Variants in EFHC2 observed in about 807,000 individuals in gnomAD.
The protein encoded by EFHC2 is EF-hand domain containing 2.
Under a neutral mutation model 52.7 loss-of-function variants are expected in EFHC2, and 18 were observed. The observed-to-expected ratio is 0.34, with a 90% CI of 0.24 to 0.51. The LOEUF (loss-of-function observed/expected upper bound fraction) is 0.51, where lower values mean the gene tolerates loss of function less well. EFHC2 is among the 20% of genes least tolerant of loss of function. EFHC2 has a pLI of 0.97. For missense variants in EFHC2, 513 were observed against 562.5 expected, an observed-to-expected ratio of 0.91 and a Z score of 0.89; for synonymous variants, 203 against 204.1, an observed-to-expected ratio of 0.99 and a Z score of 0.04.
intron 14 of EFHC2, among the ~76,000 whole-genome samples, chrX:44,149,709 C>T (rs945975252): frequency 8.1e-5 from 9 of 111,179 alleles, no homozygotes; most frequent in South Asian, 3.8e-4. Context: ...AGACGGGTTT[C>T]GCCATATAGG....
rs2147278149 is a variant in EFHC2, at chrX:44,176,326, A to G, written c.2008T>C (p.Leu670=). 1 of 1,200,481 alleles carries G rather than the reference A, an allele frequency of 8.3e-7. No homozygotes were observed. Among genetic ancestry groups the G allele is most frequent in the East Asian group, 3.0e-5 (1 of 33,580 alleles). Residue 670 remains leucine (L), a synonymous_variant, in exon 13 of 15, where the codon TTG becomes CTG. Transcript: ENST00000420999. ...AAGGATTCTAGAAGATCATCACTCA[A>G]AGGTAATCTGGAGGATTTGCACAGC... is the stretch of plus-strand genomic sequence containing the variant. ...KRLCKSSRLP[L]SDDLLESLLS... is the part of the protein sequence containing the mutation.
chrX:44,273,636 T>C (rs2037633520), intron 2 of EFHC2, among the ~76,000 whole-genome samples: 1 of 111,818 alleles, frequency 8.9e-6, no homozygotes, highest in African/African-American at 3.3e-5. Context: ...CCATGTTGTA[T>C]GAATAATATA....
chrX:44,196,369 GCT>G (rs1324944503), intron 11 of EFHC2, among the ~76,000 whole-genome samples: 1 of 111,752 alleles, frequency 8.9e-6, no homozygotes, highest in Non-Finnish European at 1.9e-5. Context: ...CCCACTCCTG[GCT>G]CCCCTGTTCT....
intron 13 of EFHC2, among the ~76,000 whole-genome samples, chrX:44,174,322 AG>A (rs963326109): frequency 3.6e-5 from 4 of 111,125 alleles, no homozygotes; most frequent in African/African-American, 1.3e-4. Context: ...GGAGTGGAGG[AG>A]GGGGGTAAAA....
At chrX:44,270,982 T>G (rs1303849080) in intron 3 of EFHC2, among the ~76,000 whole-genome samples, 1 of 111,724 alleles carries the variant, frequency 9.0e-6, no homozygotes, top group Non-Finnish European at 1.9e-5. Flanking sequence ...ACCCCAGGAT[T>G]CAGGCAGTAT....
chrX:44,254,008 C>T (rs554118677), intron 4 of EFHC2, among the ~76,000 whole-genome samples: 2 of 112,483 alleles, frequency 1.8e-5, no homozygotes, highest in Non-Finnish European at 3.8e-5. Context: ...GAAACTCCAG[C>T]AGACCTGCAG....
At position 44,255,359 on chromosome X, in the gene EFHC2, G is replaced by A. The variant is rs747063495; in HGVS notation, c.607-4914C>T. On this transcript the variant is annotated intron_variant, in intron 4 of 14. Coordinates refer to ENST00000420999, the MANE Select transcript of EFHC2 (RefSeq NM_025184.4). ...GGATAAAGGGTCAAGACACATCAGT[G>A]TGCTGTATTCAGGAGACCCATCTCA... Among the ~76,000 whole-genome samples the A allele has an allele frequency of 6.3e-5, 7 of 111,593 alleles. No homozygotes were observed. In the East Asian group the frequency reaches 2.0e-3, roughly 31 times the overall value.
At chrX:44,252,155 G>A (rs909577994) in intron 4 of EFHC2, among the ~76,000 whole-genome samples, 10 of 111,460 alleles carry the variant, frequency 9.0e-5, no homozygotes, top group African/African-American at 2.9e-4. Context: ...CCTCTGCCTC[G>A]GCTGTCCTCT....
At chrX:44,171,541 G>A (rs764469400) in intron 13 of EFHC2, among the ~76,000 whole-genome samples, 4 of 111,392 alleles carry the variant, frequency 3.6e-5, no homozygotes, top group South Asian at 3.8e-4. Context: ...GGTAAAAGTC[G>A]TCAAGGCCAG....
chrX:44,315,758 T>C (rs1266715372), intron 1 of EFHC2, among the ~76,000 whole-genome samples: 2 of 110,599 alleles, frequency 1.8e-5, no homozygotes, highest in Admixed American at 1.9e-4. Flanking sequence ...GAGGCAAGGA[T>C]GTTCCAAGCA....
Position 44,147,968 on chromosome X carries a change from G to C in EFHC2, c.*827C>G, listed in dbSNP as rs1677475691. 1 of 110,549 alleles carries C rather than the reference G, an allele frequency of 9.0e-6. No homozygotes were observed. The highest frequency in any genetic ancestry group is 1.9e-5 in the Non-Finnish European group (1 of 52,899). 9.1% of individuals were successfully genotyped at this position (110,549 alleles called of 1,213,427 possible). On this transcript the variant is annotated 3_prime_UTR_variant, in exon 15 of 15. Coordinates refer to ENST00000420999, the MANE Select transcript of EFHC2 (RefSeq NM_025184.4). Reference sequence around the variant, plus strand: ...TAAAAATAGAACTAGAAAAATGCAGGGGAAAAATGTTGTAGTTTCTGAATA... The same window carrying C: ...TAAAAATAGAACTAGAAAAATGCAGCGGAAAAATGTTGTAGTTTCTGAATA...
intron 1 of EFHC2, among the ~76,000 whole-genome samples, chrX:44,316,413 T>C (rs12353785): frequency 8.9e-6 from 1 of 112,182 alleles, no homozygotes; most frequent in African/African-American, 3.2e-5. Flanking sequence ...AACCCTAGAA[T>C]AGAAGCCAGT....
intron 13 of EFHC2, among the ~76,000 whole-genome samples, chrX:44,171,798 C>T (rs1230650028): frequency 9.0e-6 from 1 of 111,290 alleles, no homozygotes; most frequent in African/African-American, 3.3e-5. Context: ...AGGTAGAAAG[C>T]ATCTGGGTGG....
intron 11 of EFHC2, among the ~76,000 whole-genome samples, chrX:44,183,984 A>G (rs2036854565): frequency 8.9e-6 from 1 of 112,441 alleles, no homozygotes; most frequent in Non-Finnish European, 1.9e-5. Context: ...ACTTCTCTGA[A>G]TCTGAGTTCC....
intron 11 of EFHC2, among the ~76,000 whole-genome samples, chrX:44,188,146 A>ATTTT (rs369956826): frequency 1.0e-5 from 1 of 95,299 alleles, no homozygotes. Flanking sequence ...ACGCCCAGCA[A>ATTTT]TTTTTTTTTT....
chrX:44,299,407 T>A (rs1192302534), intron 2 of EFHC2, among the ~76,000 whole-genome samples: 2 of 111,731 alleles, frequency 1.8e-5, no homozygotes, highest in African/African-American at 6.5e-5. Flanking sequence ...AGGCTGCATC[T>A]GCATGATAAA....
At chrX:44,157,648 T>C (rs56680982) in intron 14 of EFHC2, among the ~76,000 whole-genome samples, 7,062 of 110,168 alleles carry the variant, frequency 0.064, 245 homozygotes, top group Admixed American at 0.13. Flanking sequence ...CCTGCTGCTA[T>C]AGTTCCAGCT....
intron 2 of EFHC2, among the ~76,000 whole-genome samples, chrX:44,286,518 C>T (rs181105483): frequency 8.1e-5 from 9 of 111,098 alleles, no homozygotes; most frequent in Admixed American, 2.9e-4. Context: ...AGCAAAAATG[C>T]CTTAAGGTAG....
chrX:44,199,620 C>G (rs1845946047), intron 11 of EFHC2, among the ~76,000 whole-genome samples: 1 of 111,876 alleles, frequency 8.9e-6, no homozygotes, highest in Non-Finnish European at 1.9e-5. Context: ...CTCAAAGTGT[C>G]TCTTTCAAGG....
Sources: allele counts gnomAD v4.1 joint callset (sites outside exome capture counted in the v4.1 genomes callset), GRCh38; gene constraint gnomAD v4.1.1; transcripts MANE v1.5; gene names NCBI Gene and HGNC (gene_info 2026-07-23, HGNC 2026-07-21).